CEP295NL: variants seen among roughly 807,000 people sequenced by gnomAD.
The protein encoded by CEP295NL is CEP295 N-terminal like.
In CEP295NL, 3 loss-of-function variants were observed where a neutral mutation model predicts 4.6. The observed-to-expected ratio is 0.65, with a 90% CI of 0.30 to 1.69. The LOEUF (loss-of-function observed/expected upper bound fraction) is 1.69, where lower values mean the gene tolerates loss of function less well. Among genes scored for constraint, CEP295NL ranks in the 40% most tolerant of loss-of-function variants. The pLI is 0.10. For missense variants in CEP295NL, 719 were observed against 769.0 expected, an observed-to-expected ratio of 0.93 and a Z score of 0.77; for synonymous variants, 295 against 312.2, an observed-to-expected ratio of 0.94 and a Z score of 0.58.
At chr17:78,897,133 A>T in intron 2 of CEP295NL, 1 of 292,194 alleles carries the variant, frequency 3.4e-6, no homozygotes, top group Non-Finnish European at 5.1e-6. Flanking sequence ...CCCCCTCCGA[A>T]GGAGACTCCA....
intron 2 of CEP295NL, 21 bp from the exon 3 acceptor site, chr17:78,892,480 G>A: frequency 1.3e-6 from 2 of 1,534,674 alleles, no homozygotes; most frequent in East Asian, 4.9e-5. Flanking sequence ...GGGAGCACAA[G>A]TGCAGCTTTC....
chr17:78,890,941 T>C lies in CEP295NL; in HGVS notation c.1563A>G (p.Glu521=). ...AGCTCATATCTGGGTGTTCCATTTG[T>C]TCAAGCGATTCCAGTTGTTTTTGTC... The part of the protein sequence containing the change: ...QRRQKQLESL[E]QMEHPDMSLE... The change falls in exon 3 of 3, where the codon GAA becomes GAG. Residue 521 remains glutamate, a synonymous_variant. Transcript: ENST00000322630. 1 of 1,551,104 alleles carries C rather than the reference T, an allele frequency of 6.4e-7. No homozygotes were observed. The highest frequency in any genetic ancestry group is 8.7e-7 in the Non-Finnish European group (1 of 1,147,108).
At chr17:78,897,094 C>T in intron 2 of CEP295NL, 1 of 667,734 alleles carries the variant, frequency 1.5e-6, no homozygotes, top group Non-Finnish European at 1.8e-6. Context: ...CCACAGACAG[C>T]ACCCCCCCGC....
chr17:78,897,067 C>T (rs933634530), intron 2 of CEP295NL: 58 of 911,246 alleles, frequency 6.4e-5, no homozygotes, highest in Non-Finnish European at 7.6e-5. Flanking sequence ...ACCCAGGCAG[C>T]GTGGAAGTGC....
chr17:78,891,310 T>C lies in CEP295NL; in HGVS notation c.1194A>G (p.Pro398=). The C allele has an allele frequency of 6.4e-7, 1 of 1,550,496 alleles. No homozygotes were observed. Among genetic ancestry groups the C allele is most frequent in the Non-Finnish European group, 8.7e-7 (1 of 1,146,958 alleles). The change falls in exon 3 of 3, where the codon CCA becomes CCG. Residue 398 remains proline (P), a synonymous_variant. Coordinates refer to ENST00000322630, the MANE Select transcript of CEP295NL (RefSeq NM_001243540.2). This position sits in a 1 kb window ranked among gnomAD's most constrained non-coding sequence, Gnocchi z 4.5. ...GTPRGKKMAD[P]EMLPAGEPRS... The stretch of plus-strand genomic sequence containing the variant: ...TGGGTTCCCCGGCAGGCAGCATCTC[T>C]GGGTCTGCCATTTTCTTCCCTCTTG...
At chr17:78,893,373 G>A (rs1165020747) in intron 2 of CEP295NL, among the ~76,000 whole-genome samples, 6 of 146,454 alleles carry the variant, frequency 4.1e-5, no homozygotes, top group East Asian at 2.0e-4. Context: ...GGGTGTGTAG[G>A]AGTGTGTGTG....
At chr17:78,894,964 T>C (rs907693757) in intron 2 of CEP295NL, among the ~76,000 whole-genome samples, 1 of 152,114 alleles carries the variant, frequency 6.6e-6, no homozygotes, top group African/African-American at 2.4e-5. Context: ...CCCAGTAAGA[T>C]GGCAAATAAT....
intron 2 of CEP295NL, chr17:78,900,023 T>C (rs1469864544): frequency 1.3e-5 from 2 of 152,204 alleles, no homozygotes; most frequent in Non-Finnish European, 2.9e-5. Flanking sequence ...GGCGCCTACG[T>C]AGAATATGTA....
chr17:78,891,979 A>T lies in CEP295NL; in HGVS notation c.525T>A (p.Ser175Arg). The change falls in exon 3 of 3, where the codon AGT (serine) becomes AGA (arginine). Residue 175 changes from serine (S) to arginine (R), a missense_variant. Transcript: ENST00000322630. The surrounding 1 kb of genome is among the most constrained non-coding windows in gnomAD (Gnocchi z 4.5). ...RAKEKHRAAL[S>R]EERSCREELG... Reference sequence around the variant, plus strand: ...ACTCTTCCCTGCAACTCCTCTCTTCACTAAGGGCTGCTCTATGCTTCTCCT... The same window carrying T: ...ACTCTTCCCTGCAACTCCTCTCTTCTCTAAGGGCTGCTCTATGCTTCTCCT... 1 of 1,550,356 alleles carries T rather than the reference A, an allele frequency of 6.5e-7. No homozygotes were observed. The highest frequency in any genetic ancestry group is 8.7e-7 in the Non-Finnish European group (1 of 1,146,944).
In CEP295NL at chr17:78,892,322, C is replaced by T. The variant is rs2069913608; in HGVS notation, c.182G>A (p.Gly61Glu). Reference protein sequence around the residue: ...GFADRNRNMDGAMWLSLCPDN... With the variant: ...GFADRNRNMDEAMWLSLCPDN... Reference sequence around the variant, plus strand: ...AGGACAGAGGCTCAGCCACATGGCTCCATCCATGTTTCTGTTCCTGTCTGC... The same window carrying T: ...AGGACAGAGGCTCAGCCACATGGCTTCATCCATGTTTCTGTTCCTGTCTGC... Residue 61 changes from glycine (G) to glutamate (E), a missense_variant, in exon 3 of 3, where the codon GGA becomes GAA. Gly to Glu is a moderately conservative substitution (Grantham distance 98). Transcript: ENST00000322630. The T allele has an allele frequency of 6.4e-7, 1 of 1,550,540 alleles. No individual in the cohort carries two copies. The highest frequency in any genetic ancestry group is 1.4e-5 in the African/African-American group (1 of 73,068).
chr17:78,890,685 G>T lies in CEP295NL; in HGVS notation c.1819C>A (p.Leu607Ile). ...CGCAAGCATTTCCGGGCTTCTTCAAGAAACTGCTTGTGCAACCTGTTTTGC... is the reference window on the plus strand; with the variant it reads ...CGCAAGCATTTCCGGGCTTCTTCAATAAACTGCTTGTGCAACCTGTTTTGC... ...LQQNRLHKQF[L>I]EEARKCLREF... The change falls in exon 3 of 3, where the codon CTT becomes ATT. Residue 607 changes from leucine (L) to isoleucine (I), a missense_variant. Coordinates refer to ENST00000322630, the MANE Select transcript of CEP295NL (RefSeq NM_001243540.2). The T allele has an allele frequency of 6.4e-7, 1 of 1,550,580 alleles. No homozygotes were observed. The highest frequency in any genetic ancestry group is 8.7e-7 in the Non-Finnish European group (1 of 1,146,960).
intron 2 of CEP295NL, chr17:78,900,085 G>A (rs1376895636): frequency 6.6e-6 from 1 of 152,100 alleles, no homozygotes; most frequent in Non-Finnish European, 1.5e-5. Context: ...TGATAATATA[G>A]GAAATCCCTC....
chr17:78,891,655 C>G lies in CEP295NL; in HGVS notation c.849G>C (p.Lys283Asn). ...TARAGRRQLG[K>N]GAVCFVPALT... ...GGGCTGGAACAAAGCAAACTGCCCC[C>G]TTTCCCAGTTGCCTCCTCCCCGCCC... Residue 283 changes from lysine (K) to asparagine (N), a missense_variant, in exon 3 of 3, where the codon AAG becomes AAC. Transcript: ENST00000322630. The surrounding 1 kb of genome is among the most constrained non-coding windows in gnomAD (Gnocchi z 4.5). 6.4e-7 allele frequency: 1 copy of G among 1,551,058 alleles called. No individual in the cohort carries two copies. The highest frequency in any genetic ancestry group is 8.7e-7 in the Non-Finnish European group (1 of 1,147,114).
intron 2 of CEP295NL, among the ~76,000 whole-genome samples, chr17:78,893,235 ATG>A (rs34814400): frequency 4.5e-5 from 4 of 88,058 alleles, no homozygotes; most frequent in African/African-American, 9.3e-5. Context: ...GTGTGTGTGC[ATG>A]TGTGTGTAGG....
At chr17:78,902,829 GGTGTTCCTGCTTCCTGAAGAC>G (rs2070116382) in intron 1 of CEP295NL, 1 of 152,418 alleles carries the variant, frequency 6.6e-6, no homozygotes, top group Admixed American at 6.5e-5. Context: ...AATCCCAGCA[GGTGTTCCTGCTTCCTGAAGAC>G]CCCCCAGCCC....
In CEP295NL at chr17:78,890,679, C is replaced by T. The variant is rs751797780; in HGVS notation, c.1825G>A (p.Glu609Lys). Reference protein sequence around the residue: ...QNRLHKQFLEEARKCLREFQN... With the variant: ...QNRLHKQFLEKARKCLREFQN... ...AACTCCCGCAAGCATTTCCGGGCTT[C>T]TTCAAGAAACTGCTTGTGCAACCTG... The change falls in exon 3 of 3, where the codon GAA becomes AAA. Residue 609 changes from glutamate to lysine, a missense_variant. Transcript: ENST00000322630. 7.0e-5 allele frequency: 108 copies of T among 1,550,406 alleles called. No homozygotes were observed. The highest frequency in any genetic ancestry group is 8.9e-5 in the Non-Finnish European group (102 of 1,146,936).
chr17:78,892,685 G>A (rs768234778), intron 2 of CEP295NL, among the ~76,000 whole-genome samples: 23 of 152,232 alleles, frequency 1.5e-4, no homozygotes, highest in Non-Finnish European at 2.2e-4. Flanking sequence ...ACAGAGTGTG[G>A]TGTTGTTTCC....
At chr17:78,898,618 C>G (rs1365001675) in intron 2 of CEP295NL, 1 of 152,306 alleles carries the variant, frequency 6.6e-6, no homozygotes, top group Non-Finnish European at 1.5e-5. Context: ...TGCTCAAGTA[C>G]TTGATTTGTC....
intron 2 of CEP295NL, chr17:78,897,332 A>C (rs567447814): frequency 6.6e-6 from 1 of 152,308 alleles, no homozygotes; most frequent in African/African-American, 2.4e-5. Context: ...CGCACCCCCA[A>C]GGTATGACGG....
Sources: allele counts gnomAD v4.1 joint callset (sites outside exome capture counted in the v4.1 genomes callset), GRCh38; gene constraint gnomAD v4.1.1; non-coding constraint Gnocchi (gnomAD v3.1); transcripts MANE v1.5; gene names NCBI Gene and HGNC (gene_info 2026-07-23, HGNC 2026-07-21).